Variants in FAM180A observed in about 807,000 individuals in gnomAD.
FAM180A encodes protein FAM180A.
A neutral mutation model predicts 15.3 loss-of-function variants in FAM180A; 14 were observed. The ratio of observed to expected loss-of-function variants is 0.92; its 90% confidence interval spans 0.61 to 1.43. FAM180A has a LOEUF of 1.43. Among genes scored for constraint, FAM180A ranks in the 40% most tolerant of loss-of-function variants. FAM180A has a pLI of 0.00. For synonymous variants in FAM180A, 90 were observed against 96.8 expected (o/e 0.93, Z 0.41); for missense variants, 200 against 220.8 (o/e 0.91, Z 0.60).
intron 2 of FAM180A, among the ~76,000 whole-genome samples, chr7:135,736,250 T>C (rs1264151395): frequency 6.6e-6 from 1 of 152,186 alleles, no homozygotes. Context: ...CTTGAACACC[T>C]GACCTTGTGA....
At position 135,737,086 on chromosome 7, in the gene FAM180A, C is replaced by T. The variant is rs974376651; in HGVS notation, c.177+13G>A. On this transcript the variant is annotated intron_variant, in intron 2 of 3. Transcript: ENST00000338588. Reference sequence around the variant, plus strand: ...TTGGGTGACTTGGATTGAGCATGTTCCCCTCTGCCTACCTCGTAGAGCAGC... The same window carrying T: ...TTGGGTGACTTGGATTGAGCATGTTTCCCTCTGCCTACCTCGTAGAGCAGC... The T allele has an allele frequency of 1.3e-6, 2 of 1,595,640 alleles. No individual in the cohort carries two copies. Among genetic ancestry groups the T allele is most frequent in the Admixed American group, 1.7e-5 (1 of 59,348 alleles).
chr7:135,731,272 C>G (rs1284679454), intron 3 of FAM180A, among the ~76,000 whole-genome samples: 2 of 152,124 alleles, frequency 1.3e-5, no homozygotes, highest in Non-Finnish European at 2.9e-5. Flanking sequence ...CACTCCCCAT[C>G]TGACATCTAG....
chr7:135,733,391 G>A (rs1024419927), intron 3 of FAM180A, among the ~76,000 whole-genome samples: 1 of 152,048 alleles, frequency 6.6e-6, no homozygotes, highest in Non-Finnish European at 1.5e-5. Flanking sequence ...CTGTTCCCCA[G>A]GCTGGAGTGC....
In FAM180A at chr7:135,748,528, GAAGCCT is replaced by G; in HGVS notation, c.47_52del (p.Glu16_Ser18delinsAla). On this transcript the variant is annotated inframe_deletion, in exon 1 of 4. Coordinates refer to ENST00000338588, the MANE Select transcript of FAM180A (RefSeq NM_205855.4). ...ACCCCTGCTCCACCTGTGGCACATA[GAAGCCT>G]CAGCATTGTAATACAACAGCAGAAG... The G allele has an allele frequency of 6.2e-7, 1 of 1,613,978 alleles. No individual in the cohort carries two copies. Among genetic ancestry groups the G allele is most frequent in the Non-Finnish European group, 8.5e-7 (1 of 1,179,864 alleles).
chr7:135,741,841 G>A (rs1055574955), intron 1 of FAM180A, among the ~76,000 whole-genome samples: 1 of 150,944 alleles, frequency 6.6e-6, no homozygotes, highest in African/African-American at 2.4e-5. Flanking sequence ...AAAAAGAAAA[G>A]CCAAGCAAAT....
rs1796835004 is a variant in FAM180A, at chr7:135,734,087, G to A, written c.410C>T (p.Thr137Ile). The A allele has an allele frequency of 4.3e-6, 7 of 1,614,084 alleles. No individual in the cohort carries two copies. The highest frequency in any genetic ancestry group is 5.9e-6 in the Non-Finnish European group (7 of 1,180,054). ...CTTCTGATGGCCGTGGGACAGGGCT[G>A]TGCGGTAGGCTGTGTAGGCCAGGGT... ...VLTLAYTAYRTALSHGHQKDI... is the reference protein window; with the variant it reads ...VLTLAYTAYRIALSHGHQKDI... Residue 137 changes from threonine to isoleucine, a missense_variant, in exon 3 of 4, where the codon ACA (threonine) becomes ATA (isoleucine). Thr to Ile is a moderately conservative substitution (Grantham distance 89). Coordinates refer to ENST00000338588, the MANE Select transcript of FAM180A (RefSeq NM_205855.4).
chr7:135,732,188 T>C (rs1796792900), intron 3 of FAM180A, among the ~76,000 whole-genome samples: 1 of 152,190 alleles, frequency 6.6e-6, no homozygotes, highest in Non-Finnish European at 1.5e-5. Flanking sequence ...AAATATGCTC[T>C]AATAGCCTGA....
At chr7:135,734,447 G>A in intron 2 of FAM180A, 128 bp from the exon 3 acceptor site, 1 of 828,540 alleles carries the variant, frequency 1.2e-6, no homozygotes, top group Non-Finnish European at 1.8e-6. Flanking sequence ...GAGAGTTCCA[G>A]TTCTGACTTT....
rs545991526 is a variant in FAM180A, at chr7:135,748,639, A to C, written c.-59T>G. On this transcript the variant is annotated 5_prime_UTR_variant, in exon 1 of 4. Coordinates refer to ENST00000338588, the MANE Select transcript of FAM180A (RefSeq NM_205855.4). Reference sequence around the variant, plus strand: ...AGCCCAGTGGAACCCCAGTAGCTGCAGGTATGCCCGTGCCGTTCTTCCCAG... The same window carrying C: ...AGCCCAGTGGAACCCCAGTAGCTGCCGGTATGCCCGTGCCGTTCTTCCCAG... 93 of 1,326,866 alleles carry C rather than the reference A, an allele frequency of 7.0e-5. No homozygotes were observed. The highest frequency in any genetic ancestry group is 4.0e-4 in the Admixed American group (24 of 59,412). 82.2% of individuals were successfully genotyped at this position (1,326,866 alleles called of 1,614,324 possible).
rs749346561 is a variant in FAM180A, at chr7:135,737,188, G to A, written c.88C>T (p.Pro30Ser). The A allele has an allele frequency of 1.9e-5, 30 of 1,602,334 alleles. No individual in the cohort carries two copies. The highest frequency in any genetic ancestry group is 2.4e-5 in the Non-Finnish European group (28 of 1,175,914). ...GACCTCTTTGGCCGGTGGGCGGCAG[G>A]GAAGAGCACAGCTGAAAGAAAGAAA... is the stretch of plus-strand genomic sequence containing the variant. ...CHRWSRAVLF[P>S]AAHRPKRSSS... is the part of the protein sequence containing the mutation. Residue 30 changes from proline (P) to serine (S), a missense_variant, in exon 2 of 4, where the codon CCT becomes TCT. By Grantham distance (74) the Pro-to-Ser change is moderately conservative. Transcript: ENST00000338588.
chr7:135,731,138 C>T (rs1188568049), intron 3 of FAM180A, among the ~76,000 whole-genome samples: 1 of 152,104 alleles, frequency 6.6e-6, no homozygotes, highest in Non-Finnish European at 1.5e-5. Flanking sequence ...GCCTTTCCAT[C>T]TGATGATTCT....
chr7:135,734,757 A>G (rs1036036470), intron 2 of FAM180A, among the ~76,000 whole-genome samples: 6 of 152,204 alleles, frequency 3.9e-5, no homozygotes, highest in Admixed American at 3.3e-4. Flanking sequence ...CTCTTTCTGC[A>G]TTAGCTTGGT....
At position 135,737,451 on chromosome 7, in the gene FAM180A, G is replaced by C. The variant is rs113396830; in HGVS notation, c.77-252C>G. On this transcript the variant is annotated intron_variant, in intron 1 of 3. Transcript: ENST00000338588. ...AAATTACAAAAAACAGCCGGGCATG[G>C]TGGCGGGTGCCTGTAATTGCAGCTA... is the stretch of plus-strand genomic sequence containing the variant. 9.4e-3 allele frequency among the ~76,000 whole-genome samples: 1,436 copies of C among 152,138 alleles called. 31 individuals are homozygous for C. The highest frequency in any genetic ancestry group is 0.07 in the East Asian group (360 of 5,166).
chr7:135,739,986 C>T (rs538701174), intron 1 of FAM180A, among the ~76,000 whole-genome samples: 3 of 152,302 alleles, frequency 2.0e-5, no homozygotes, highest in South Asian at 2.1e-4. Context: ...AGCTCTGTTT[C>T]GCCAGACCAT....
At chr7:135,740,644 C>G (rs1467223550) in intron 1 of FAM180A, among the ~76,000 whole-genome samples, 2 of 152,160 alleles carry the variant, frequency 1.3e-5, no homozygotes, top group African/African-American at 4.8e-5. Context: ...CAATTCAGAG[C>G]TCTTGCCTAT....
Position 135,733,959 on chromosome 7 carries a change from G to T in FAM180A, c.*16C>A. ...GTGCTGGTCCCTGCTCTGAGGTCCT[G>T]GTGTGGGCCAGTCTCTCAGGGAGGT... is the stretch of plus-strand genomic sequence containing the variant. On this transcript the variant is annotated 3_prime_UTR_variant, in exon 3 of 4. Coordinates refer to ENST00000338588, the MANE Select transcript of FAM180A (RefSeq NM_205855.4). The T allele has an allele frequency of 6.3e-7, 1 of 1,575,940 alleles. No homozygotes were observed. The highest frequency in any genetic ancestry group is 1.2e-5 in the South Asian group (1 of 83,934).
At chr7:135,730,386 A>G (rs1352969189) in intron 3 of FAM180A, 105 bp from the exon 4 acceptor site, 1 of 256,998 alleles carries the variant, frequency 3.9e-6, no homozygotes, top group Non-Finnish European at 6.1e-6. Flanking sequence ...TGCTAAAAAT[A>G]CAAAAAAATT....
intron 1 of FAM180A, among the ~76,000 whole-genome samples, chr7:135,737,760 C>T (rs939802551): frequency 5.3e-5 from 8 of 150,950 alleles, no homozygotes; most frequent in East Asian, 1.9e-4. Context: ...TCTGAGAAAA[C>T]GAGAAAAGAA....
intron 1 of FAM180A, among the ~76,000 whole-genome samples, chr7:135,743,193 A>T (rs561870265): frequency 2.7e-5 from 4 of 146,758 alleles, no homozygotes; most frequent in Non-Finnish European, 6.0e-5. Flanking sequence ...TCCTGCATCG[A>T]TTCTCCTTTT....
Sources: allele counts gnomAD v4.1 joint callset (sites outside exome capture counted in the v4.1 genomes callset), GRCh38; gene constraint gnomAD v4.1.1; transcripts MANE v1.5; gene names NCBI Gene and HGNC (gene_info 2026-07-23, HGNC 2026-07-21).